The following PGD variants were observed in gnomAD, a reference collection of about 807,000 sequenced individuals.
PGD encodes the protein 6-phosphogluconate dehydrogenase, decarboxylating.
In PGD, 21 loss-of-function variants were observed where a neutral mutation model predicts 60.4. The observed-to-expected ratio is 0.35, with a 90% CI of 0.25 to 0.50. The LOEUF (loss-of-function observed/expected upper bound fraction) is 0.50. Among genes scored for constraint, PGD ranks in the 20% least tolerant of loss-of-function variants. PGD has a pLI of 0.98. For synonymous variants in PGD, 230 were observed against 235.9 expected (o/e 0.97, Z 0.23); for missense variants, 477 against 613.1 (o/e 0.78, Z 2.34).
Position 10,419,485 on chromosome 1 carries a change from C to T in PGD, c.1278C>T (p.Ala426=), listed in dbSNP as rs148250370. Residue 426 remains alanine, a synonymous_variant, in exon 12 of 13, where the codon GCC becomes GCT. Coordinates refer to ENST00000270776, the MANE Select transcript of PGD (RefSeq NM_002631.4). Reference sequence around the variant, plus strand: ...TTCCCATGCCCTGTTTTACCACTGCCCTCTCCTTCTATGACGGGTACAGAC... The same window carrying T: ...TTCCCATGCCCTGTTTTACCACTGCTCTCTCCTTCTATGACGGGTACAGAC... ...AGIPMPCFTT[A]LSFYDGYRHE... is the part of the protein sequence containing the mutation. 88 of 1,613,812 alleles carry T rather than the reference C, an allele frequency of 5.5e-5. No homozygotes were observed. Among genetic ancestry groups the T allele is most frequent in the Non-Finnish European group, 7.4e-5 (87 of 1,179,826 alleles).
rs543426528 is a variant in PGD at position 10,409,649 on chromosome 1, C to CTTTTTTTTTTT, written c.519+1525_519+1535dup. ...CTGCAATAAAAGTGAGTGGTAGCAA[C>CTTTTTTTTTTT]TTTTTTTTTTTTTTTTTTTTTTTTT... On this transcript the variant is annotated intron_variant, in intron 6 of 12. Coordinates refer to ENST00000270776, the MANE Select transcript of PGD (RefSeq NM_002631.4). 4.0e-4 allele frequency among the ~76,000 whole-genome samples: 30 copies of CTTTTTTTTTTT among 75,406 alleles called. 3 individuals carry two copies. The highest frequency in any genetic ancestry group is 1.6e-3 in the African/African-American group (26 of 16,422). 49.5% of individuals were successfully genotyped at this position (75,406 alleles called of 152,430 possible).
intron 10 of PGD, among the ~76,000 whole-genome samples, chr1:10,418,370 G>A (rs1191131218): frequency 2.0e-5 from 3 of 152,216 alleles, no homozygotes; most frequent in Non-Finnish European, 2.9e-5. Context: ...GCAGCGAGCT[G>A]CACTTTTTTT....
Position 10,411,422 on chromosome 1 carries a change from G to C in PGD, c.524G>C (p.Gly175Ala). ...TGGTGCTTGTTGTCCTGACAGGTGG[G>C]AGATGAGGGAGCAGGCCACTTCGTG... ...GTGEPCCDWVGDEGAGHFVKM... is the reference protein window; with the variant it reads ...GTGEPCCDWVADEGAGHFVKM... Residue 175 changes from glycine (G) to alanine (A), a missense_variant, in exon 7 of 13, where the codon GGA (glycine) becomes GCA (alanine). Coordinates refer to ENST00000270776, the MANE Select transcript of PGD (RefSeq NM_002631.4). 6.2e-7 allele frequency: 1 copy of C among 1,613,340 alleles called. No homozygotes were observed. Among genetic ancestry groups the C allele is most frequent in the Non-Finnish European group, 8.5e-7 (1 of 1,179,992 alleles).
Position 10,411,366 on chromosome 1 carries a change from T to C in PGD, c.520-52T>C, listed in dbSNP as rs1639495446. 1.9e-6 allele frequency: 3 copies of C among 1,608,444 alleles called. No homozygotes were observed. In the South Asian group the frequency reaches 3.3e-5, roughly 18 times the overall value. Reference sequence around the variant, plus strand: ...GCATGAAAGCTGATGTGGACTTCTCTGATGTGTCGCCTGTTTCTCTGAAGG... The same window carrying C: ...GCATGAAAGCTGATGTGGACTTCTCCGATGTGTCGCCTGTTTCTCTGAAGG... On this transcript the variant is annotated intron_variant, in intron 6 of 12. Transcript: ENST00000270776.
rs1639664187 is a variant in PGD at position 10,419,986 on chromosome 1, C to T, written c.*237C>T. 3.9e-6 allele frequency: 2 copies of T among 515,506 alleles called. No homozygotes were observed. The highest frequency in any genetic ancestry group is 7.0e-6 in the Non-Finnish European group (2 of 285,700). 31.9% of individuals were successfully genotyped at this position (515,506 alleles called of 1,614,324 possible). ...TGCTCATGTGCGTGAGAGTGGGAACCATCTCCTTGCGGCAGTGGCTTCCGC... is the reference window on the plus strand; with the variant it reads ...TGCTCATGTGCGTGAGAGTGGGAACTATCTCCTTGCGGCAGTGGCTTCCGC... On this transcript the variant is annotated 3_prime_UTR_variant, in exon 13 of 13. Transcript: ENST00000270776.
intron 5 of PGD, among the ~76,000 whole-genome samples, chr1:10,405,190 T>C (rs1161864936): frequency 6.6e-6 from 1 of 150,880 alleles, no homozygotes; most frequent in Non-Finnish European, 1.5e-5. Flanking sequence ...CTGGCCAACA[T>C]GGTAAATTCC....
At chr1:10,403,317 T>TGTG (rs1292433523) in intron 4 of PGD, among the ~76,000 whole-genome samples, 181 bp downstream of exon 4, 1 of 151,606 alleles carries the variant, frequency 6.6e-6, no homozygotes, top group Non-Finnish European at 1.5e-5. Context: ...AAGGGCCGGG[T>TGTG]GTGGTGGCTC....
chr1:10,412,987 TG>T, intron 7 of PGD, 74 bp from the exon 8 acceptor site: 2 of 1,284,460 alleles, frequency 1.6e-6, no homozygotes, highest in Non-Finnish European at 2.2e-6. Context: ...TTGGTCAGCG[TG>T]GACATTGGAC....
chr1:10,419,252 C>T (rs1036160158), intron 11 of PGD, among the ~76,000 whole-genome samples, 165 bp from the exon 12 acceptor site: 5 of 151,328 alleles, frequency 3.3e-5, no homozygotes, highest in Admixed American at 2.6e-4. Context: ...CTCCTGACCT[C>T]GTGATCCGCC....
At chr1:10,401,075 C>T (rs1219149963) in intron 3 of PGD, among the ~76,000 whole-genome samples, 2 of 152,286 alleles carry the variant, frequency 1.3e-5, no homozygotes, top group East Asian at 3.9e-4. Flanking sequence ...CTTTGTGGCT[C>T]ATGCCTGTAA....
At chr1:10,415,501 T>A (rs1043300658) in intron 8 of PGD, 1 of 152,204 alleles carries the variant, frequency 6.6e-6, no homozygotes, top group East Asian at 1.9e-4. Context: ...ATTTGTGAAC[T>A]AACAGGGAAG....
At chr1:10,410,954 C>T (rs1354222116) in intron 6 of PGD, among the ~76,000 whole-genome samples, 1 of 151,650 alleles carries the variant, frequency 6.6e-6, no homozygotes, top group Non-Finnish European at 1.5e-5. Context: ...TTTCAGTAGC[C>T]ATTAGGAACA....
intron 10 of PGD, among the ~76,000 whole-genome samples, chr1:10,418,504 C>T (rs528804771): frequency 4.4e-4 from 67 of 152,074 alleles, no homozygotes; most frequent in Non-Finnish European, 8.4e-4. Context: ...TGGCCGGGCG[C>T]GGTGGCTCAC....
intron 1 of PGD, among the ~76,000 whole-genome samples, 154 bp downstream of exon 1, chr1:10,399,279 G>A (rs1008149251): frequency 6.6e-6 from 1 of 152,218 alleles, no homozygotes; most frequent in Admixed American, 6.5e-5. Flanking sequence ...GGCGTCTCGG[G>A]CCCAGAGCTC....
At position 10,399,137 on chromosome 1, in the gene PGD, G is replaced by A. The variant is rs976423348; in HGVS notation, c.8+12G>A. ...GCCGCCATGGCCCAGTGAGTGACTCGCCAGGGGCAGCCCGGCTCGGCCTCA... is the reference window on the plus strand; with the variant it reads ...GCCGCCATGGCCCAGTGAGTGACTCACCAGGGGCAGCCCGGCTCGGCCTCA... On this transcript the variant is annotated intron_variant, in intron 1 of 12. Coordinates refer to ENST00000270776, the MANE Select transcript of PGD (RefSeq NM_002631.4). 2.5e-6 allele frequency: 4 copies of A among 1,608,468 alleles called. No individual in the cohort carries two copies. In the Admixed American group the frequency reaches 6.7e-5, roughly 27 times the overall value.
At chr1:10,416,588 C>T (rs941788702) in intron 8 of PGD, among the ~76,000 whole-genome samples, 11 of 152,298 alleles carry the variant, frequency 7.2e-5, no homozygotes, top group African/African-American at 2.2e-4. Context: ...TTTTTAATCA[C>T]CTGGGTGCAG....
rs773219762 is a variant in PGD at position 10,417,158 on chromosome 1, G to A, written c.975+41G>A. The A allele has an allele frequency of 1.1e-5, 17 of 1,609,886 alleles. No individual in the cohort carries two copies. The East Asian group carries it at 2.2e-4, about 21-fold the overall frequency. ...TGGCAGTGGTCTTTGTTGGTCCTGC[G>A]GAAGGCAGTGGGGGTGGGGGTTGTG... is the stretch of plus-strand genomic sequence containing the variant. On this transcript the variant is annotated intron_variant, in intron 9 of 12. Coordinates refer to ENST00000270776, the MANE Select transcript of PGD (RefSeq NM_002631.4).
At chr1:10,400,290 C>G in intron 2 of PGD, 103 bp from the exon 3 acceptor site, 1 of 848,692 alleles carries the variant, frequency 1.2e-6, no homozygotes, top group South Asian at 1.7e-5. Flanking sequence ...CAGGTCTGAC[C>G]TCCCCAGAAC....
chr1:10,414,624 G>A (rs965991770), intron 8 of PGD, among the ~76,000 whole-genome samples: 9 of 151,936 alleles, frequency 5.9e-5, no homozygotes, highest in African/African-American at 1.4e-4. Flanking sequence ...GGATCTGCCC[G>A]CCTCGGCTTC....
Sources: allele counts gnomAD v4.1 joint callset (sites outside exome capture counted in the v4.1 genomes callset), GRCh38; gene constraint gnomAD v4.1.1; transcripts MANE v1.5; gene names NCBI Gene and HGNC (gene_info 2026-07-23, HGNC 2026-07-21).